The following TOR3A variants were observed in gnomAD, a reference collection of about 807,000 sequenced individuals.
TOR3A encodes the protein torsin-3A.
TOR3A carries 44 observed loss-of-function variants against 42.1 expected under a neutral mutation model. The observed-to-expected ratio is 1.04, with a 90% CI of 0.82 to 1.34. The LOEUF is 1.34. Ranked by LOEUF, TOR3A falls within the 40% of genes most tolerant of loss-of-function variation. The pLI is 0.00. For synonymous variants in TOR3A, 227 were observed against 213.2 expected (o/e 1.06, Z -0.57); for missense variants, 521 against 507.6 (o/e 1.03, Z -0.25).
Position 179,095,747 on chromosome 1 carries a change from T to G in TOR3A, c.*529T>G, listed in dbSNP as rs562523296. 1.0e-6 allele frequency: 1 copy of G among 989,788 alleles called. No individual in the cohort carries two copies. The highest frequency in any genetic ancestry group is 1.2e-6 in the Non-Finnish European group (1 of 832,736). The allele number at this position is 989,788 out of a possible 1,614,324, so 61.3% of individuals were successfully genotyped here. A position where few individuals can be genotyped will look rare whatever the true frequency, so the allele number is the denominator to read the frequency against. Reference sequence around the variant, plus strand: ...AATACACTCTAGGTTTGCAGGCTGGTGGGCTTTCAAATTGGTACTTCCAGA... The same window carrying G: ...AATACACTCTAGGTTTGCAGGCTGGGGGGCTTTCAAATTGGTACTTCCAGA... On this transcript the variant is annotated 3_prime_UTR_variant, in exon 6 of 6. Coordinates refer to ENST00000367627, the MANE Select transcript of TOR3A (RefSeq NM_022371.4).
rs957537284 is a variant in TOR3A, at chr1:179,095,313, G to A, written c.*95G>A. 5.8e-6 allele frequency: 9 copies of A among 1,559,084 alleles called. No homozygotes were observed. In the Admixed American group the frequency reaches 9.1e-5, roughly 16 times the overall value. On this transcript the variant is annotated 3_prime_UTR_variant, in exon 6 of 6. Transcript: ENST00000367627. ...CCGTTTGGGACTGTGAGGTGTTTGA[G>A]GGTGTGGACTGGCATCCAGCAGCCA...
intron 4 of TOR3A, 127 bp downstream of exon 4, chr1:179,088,216 A>C: frequency 9.5e-7 from 1 of 1,047,718 alleles, no homozygotes; most frequent in Non-Finnish European, 1.3e-6. Flanking sequence ...ACTCTGGTAC[A>C]GAAAGCAGCA....
rs547437958 is a variant in TOR3A at position 179,085,752 on chromosome 1, C to T, written c.498C>T (p.His166=). 277 of 1,614,222 alleles carry T rather than the reference C, an allele frequency of 1.7e-4. 3 individuals carry two copies. In the South Asian group the frequency reaches 1.9e-3, roughly 11 times the overall value. ...AAAAGGCCCTTGCTCTGTCGTTCCA[C>T]GGCTGGTCTGGCACAGGCAAGAACT... ...QPEKALALSF[H]GWSGTGKNFV... Residue 166 remains histidine (H), a synonymous_variant, in exon 3 of 6, where the codon CAC becomes CAT. Coordinates refer to ENST00000367627, the MANE Select transcript of TOR3A (RefSeq NM_022371.4).
Position 179,082,344 on chromosome 1 carries a change from C to G in TOR3A, c.216C>G (p.Pro72=), listed in dbSNP as rs759167777. ...YWTLFSCQVW[P]DDCDEDEEAA... Reference sequence around the variant, plus strand: ...CGCTCTTCAGCTGCCAGGTGTGGCCCGACGACTGTGACGAGGACGAGGAGG... The same window carrying G: ...CGCTCTTCAGCTGCCAGGTGTGGCCGGACGACTGTGACGAGGACGAGGAGG... Residue 72 remains proline, a synonymous_variant, in exon 1 of 6, where the codon CCC becomes CCG. Transcript: ENST00000367627. 3.1e-6 allele frequency: 5 copies of G among 1,605,840 alleles called. No homozygotes were observed. In the African/African-American group the frequency reaches 6.8e-5, roughly 22 times the overall value.
rs759937191 is a variant in TOR3A, at chr1:179,085,848, C to T, written c.594C>T (p.Ile198=). 23 of 1,614,004 alleles carry T rather than the reference C, an allele frequency of 1.4e-5. No homozygotes were observed. Among genetic ancestry groups the T allele is most frequent in the South Asian group, 6.6e-5 (6 of 91,088 alleles). The change falls in exon 3 of 6, where the codon ATC becomes ATT. Residue 198 remains isoleucine, a synonymous_variant. Transcript: ENST00000367627. The part of the protein sequence containing the change: ...GLMSDCVRMF[I]ATFHFPHPKY... ...TGAGTGACTGTGTCAGGATGTTCAT[C>T]GCCACGTTCCACTTTCCTCACCCCA...
chr1:179,091,095 C>A (rs926952760), intron 4 of TOR3A, among the ~76,000 whole-genome samples: 3 of 152,190 alleles, frequency 2.0e-5, no homozygotes, highest in African/African-American at 7.2e-5. Flanking sequence ...TATGTCTGTT[C>A]TTTAGGAAAG....
chr1:179,095,107 GAC>G lies in TOR3A; in HGVS notation c.1086_1087del (p.Leu363GlyfsTer2). The G allele has an allele frequency of 6.2e-7, 1 of 1,614,216 alleles. No individual in the cohort carries two copies. The highest frequency in any genetic ancestry group is 8.5e-7 in the Non-Finnish European group (1 of 1,180,044). ...LSQELLYKEE[T>X]LDEIAQMMVY... ...GCCAGGAGCTCCTGTATAAAGAAGAGACACTGGATGAAATAGCCCAGATGATG... is the reference window on the plus strand; with the variant it reads ...GCCAGGAGCTCCTGTATAAAGAAGAGACTGGATGAAATAGCCCAGATGATG... On this transcript the variant is annotated frameshift_variant, in exon 6 of 6. Coordinates refer to ENST00000367627, the MANE Select transcript of TOR3A (RefSeq NM_022371.4). LOFTEE classifies it high-confidence loss of function.
intron 2 of TOR3A, among the ~76,000 whole-genome samples, chr1:179,084,802 C>G (rs1214927209): frequency 6.6e-6 from 1 of 152,176 alleles, no homozygotes; most frequent in East Asian, 1.9e-4. Flanking sequence ...GGCCGCACAC[C>G]CTGCCTGTCT....
At position 179,095,322 on chromosome 1, in the gene TOR3A, C is replaced by A. The variant is rs990128684; in HGVS notation, c.*104C>A. ...ACTGTGAGGTGTTTGAGGGTGTGGA[C>A]TGGCATCCAGCAGCCACTAACAAAC... is the stretch of plus-strand genomic sequence containing the variant. On this transcript the variant is annotated 3_prime_UTR_variant, in exon 6 of 6. Coordinates refer to ENST00000367627, the MANE Select transcript of TOR3A (RefSeq NM_022371.4). 4.1e-5 allele frequency: 63 copies of A among 1,545,222 alleles called. No individual in the cohort carries two copies. The highest frequency in any genetic ancestry group is 5.5e-5 in the Non-Finnish European group (63 of 1,150,842).
chr1:179,090,719 C>A (rs1652557046), intron 4 of TOR3A, among the ~76,000 whole-genome samples: 1 of 151,998 alleles, frequency 6.6e-6, no homozygotes, highest in African/African-American at 2.4e-5. Context: ...TGACTGGGCA[C>A]CAGGAAAGTA....
Position 179,094,172 on chromosome 1 carries a change from G to C in TOR3A, c.898G>C (p.Glu300Gln). 6.2e-7 allele frequency: 1 copy of C among 1,614,104 alleles called. No individual in the cohort carries two copies. Among genetic ancestry groups the C allele is most frequent in the Non-Finnish European group, 8.5e-7 (1 of 1,180,000 alleles). ...AGWSREEITM[E>Q]HLEPHLQAEI... is the part of the protein sequence containing the mutation. ...ATGGTCCCGGGAAGAAATTACGATG[G>C]AACACCTGGAGCCCCACCTCCAGGC... Residue 300 changes from glutamate to glutamine, a missense_variant, in exon 5 of 6, where the codon GAA (glutamate) becomes CAA (glutamine). Transcript: ENST00000367627.
In TOR3A at chr1:179,083,002, T is replaced by G. The variant is rs1410473258; in HGVS notation, c.322T>G (p.Phe108Val). Reference sequence around the variant, plus strand: ...CCTCCTGACCACGTGGTACTGCAGCTTCAAAGACTGCTGCCCTAGAGGGGA... The same window carrying G: ...CCTCCTGACCACGTGGTACTGCAGCGTCAAAGACTGCTGCCCTAGAGGGGA... ...LDLLTTWYCS[F>V]KDCCPRGDCR... The change falls in exon 2 of 6, where the codon TTC becomes GTC. Residue 108 changes from phenylalanine (F) to valine (V), a missense_variant. Coordinates refer to ENST00000367627, the MANE Select transcript of TOR3A (RefSeq NM_022371.4). The G allele has an allele frequency of 6.3e-7, 1 of 1,588,242 alleles. No individual in the cohort carries two copies. Among genetic ancestry groups the G allele is most frequent in the African/African-American group, 1.4e-5 (1 of 73,882 alleles).
At position 179,085,573 on chromosome 1, in the gene TOR3A, T is replaced by C. The variant is rs778362796; in HGVS notation, c.374-55T>C. The C allele has an allele frequency of 7.5e-6, 12 of 1,591,212 alleles. No homozygotes were observed. In the East Asian group the frequency reaches 2.3e-4, roughly 30 times the overall value. On this transcript the variant is annotated intron_variant, in intron 2 of 5. Transcript: ENST00000367627. The stretch of plus-strand genomic sequence containing the variant: ...TTGGTTTCTTGGCTGTTGGCTGTTG[T>C]GGTGGATGGGCCTGTGTGTGCCTTT...
At chr1:179,087,692 T>C (rs1652467834) in intron 3 of TOR3A, among the ~76,000 whole-genome samples, 1 of 151,218 alleles carries the variant, frequency 6.6e-6, no homozygotes, top group African/African-American at 2.4e-5. Context: ...TGTTTAGCTT[T>C]CAACCCTCAG....
chr1:179,094,013 T>G (rs1216643430), intron 4 of TOR3A, 80 bp from the exon 5 acceptor site: 2 of 1,531,156 alleles, frequency 1.3e-6, no homozygotes, highest in Non-Finnish European at 1.8e-6. Context: ...CAGGCACTAA[T>G]GCATTGGTTT....
intron 4 of TOR3A, among the ~76,000 whole-genome samples, chr1:179,092,078 T>C (rs187033905): frequency 6.6e-6 from 1 of 152,278 alleles, no homozygotes; most frequent in East Asian, 1.9e-4. Context: ...AAAGACACAT[T>C]AGCACCTCCC....
At chr1:179,082,531 G>A in intron 1 of TOR3A, 144 bp downstream of exon 1, 3 of 1,288,478 alleles carry the variant, frequency 2.3e-6, no homozygotes. Flanking sequence ...CTGTGGGCGG[G>A]GGCAGCCTCC....
chr1:179,095,679 TAC>T lies in TOR3A; in HGVS notation c.*463_*464del, dbSNP rs1323178365. 3.0e-6 allele frequency: 3 copies of T among 1,002,394 alleles called. No individual in the cohort carries two copies. Among genetic ancestry groups the T allele is most frequent in the Non-Finnish European group, 2.4e-6 (2 of 840,256 alleles). 62.1% of individuals were successfully genotyped at this position (1,002,394 alleles called of 1,614,324 possible). On this transcript the variant is annotated 3_prime_UTR_variant, in exon 6 of 6. Coordinates refer to ENST00000367627, the MANE Select transcript of TOR3A (RefSeq NM_022371.4). ...CTCAGAGGCTGTAGGGTCCTTGGGT[TAC>T]AGAGCCGGGGAGAACGAAGTTCTGT...
rs764337278 is a variant in TOR3A at position 179,085,667 on chromosome 1, A to G, written c.413A>G (p.His138Arg). The change falls in exon 3 of 6, where the codon CAT (histidine) becomes CGT (arginine). Residue 138 changes from histidine to arginine, a missense_variant. Physicochemically the swap from His to Arg is conservative, Grantham distance 29. Coordinates refer to ENST00000367627, the MANE Select transcript of TOR3A (RefSeq NM_022371.4). ...WDLNVRLHGQ[H>R]LVQQLVLRTV... is the part of the protein sequence containing the mutation. ...CTGAATGTGCGGCTGCATGGCCAGC[A>G]TTTGGTCCAGCAGCTGGTCCTAAGA... 79 of 1,614,054 alleles carry G rather than the reference A, an allele frequency of 4.9e-5. No individual in the cohort carries two copies. Among genetic ancestry groups the G allele is most frequent in the Non-Finnish European group, 6.3e-5 (74 of 1,180,052 alleles).
Sources: gnomAD v4.1 joint callset for allele counts (sites outside exome capture counted in the v4.1 genomes callset) on GRCh38, gnomAD v4.1.1 for gene constraint, MANE v1.5 for transcripts, NCBI Gene and HGNC (gene_info 2026-07-23, HGNC 2026-07-21) for gene names.